Variants in CEACAM3 observed in about 807,000 individuals in gnomAD.
CEACAM3 encodes CEA cell adhesion molecule 3.
In CEACAM3, 32 loss-of-function variants were observed where a neutral mutation model predicts 30.1. The ratio of observed to expected loss-of-function variants is 1.06; its 90% CI spans 0.80 to 1.43. CEACAM3 has a LOEUF of 1.43. Among genes scored for constraint, CEACAM3 ranks in the 40% most tolerant of loss-of-function variants. CEACAM3 has a pLI of 0.00. For missense variants in CEACAM3, 290 were observed against 316.3 expected, an observed-to-expected ratio of 0.92 and a Z score of 0.63; for synonymous variants, 134 against 127.2, an observed-to-expected ratio of 1.05 and a Z score of -0.36.
chr19:41,805,965 C>A (rs1432235205), intron 2 of CEACAM3, among the ~76,000 whole-genome samples: 1 of 152,178 alleles, frequency 6.6e-6, no homozygotes, highest in Non-Finnish European at 1.5e-5. Flanking sequence ...TGTCCCCGCC[C>A]TCTTTCTAAG....
At chr19:41,809,886 C>T in intron 3 of CEACAM3, 79 bp from the exon 4 acceptor site, 3 of 1,431,500 alleles carry the variant, frequency 2.1e-6, no homozygotes, top group African/African-American at 1.4e-5. Context: ...AAATGGGTTT[C>T]CCTTCTTGTC....
In CEACAM3 at chr19:41,797,929, T is replaced by G. The variant is rs61736640; in HGVS notation, c.405T>G (p.Thr135=). Reference sequence around the variant, plus strand: ...CAGATCTTGTGAATGAAGAAGCAACTGGACAGTTCCATGTATACCGTGAGT... The same window carrying G: ...CAGATCTTGTGAATGAAGAAGCAACGGGACAGTTCCATGTATACCGTGAGT... The part of the protein sequence containing the change: ...IKSDLVNEEA[T]GQFHVYQENA... The change falls in exon 2 of 7, where the codon ACT becomes ACG. Residue 135 remains threonine, a synonymous_variant. Coordinates refer to ENST00000357396, the MANE Select transcript of CEACAM3 (RefSeq NM_001815.5). 1.2e-6 allele frequency: 2 copies of G among 1,608,102 alleles called. No individual in the cohort carries two copies. Among genetic ancestry groups the G allele is most frequent in the East Asian group, 2.2e-5 (1 of 44,878 alleles).
chr19:41,799,483 T>C (rs782188959), intron 2 of CEACAM3, among the ~76,000 whole-genome samples: 2 of 152,192 alleles, frequency 1.3e-5, no homozygotes, highest in Non-Finnish European at 2.9e-5. Context: ...CTTTTCTTTA[T>C]AAATTACCCA....
intron 3 of CEACAM3, 139 bp from the exon 4 acceptor site, chr19:41,809,826 C>T (rs534527593): frequency 5.1e-6 from 4 of 789,118 alleles, no homozygotes; most frequent in South Asian, 1.6e-5. Flanking sequence ...TGCTGGGCTC[C>T]CCCTAACACA....
At chr19:41,803,750 G>GTGGGAAATA (rs2073175603) in intron 2 of CEACAM3, among the ~76,000 whole-genome samples, 1 of 86,122 alleles carries the variant, frequency 1.2e-5, no homozygotes, top group Non-Finnish European at 3.3e-5. Flanking sequence ...ACAGGCATGA[G>GTGGGAAATA]CCACCATGCC....
chr19:41,810,707 A>C (rs1555827487), intron 5 of CEACAM3, 125 bp from the exon 6 acceptor site: 2 of 909,048 alleles, frequency 2.2e-6, no homozygotes, highest in Non-Finnish European at 3.6e-6. Context: ...GGCTGAGCTC[A>C]GGGGCAGAGC....
At chr19:41,808,298 G>T (rs1555827079) in intron 2 of CEACAM3, among the ~76,000 whole-genome samples, 1 of 152,176 alleles carries the variant, frequency 6.6e-6, no homozygotes, top group African/African-American at 2.4e-5. Flanking sequence ...TTACTGAGGT[G>T]CTTTAAGTCT....
At chr19:41,798,053 C>G in intron 2 of CEACAM3, 105 bp downstream of exon 2, 1 of 1,515,244 alleles carries the variant, frequency 6.6e-7, no homozygotes, top group Non-Finnish European at 8.8e-7. Flanking sequence ...GCATTACATT[C>G]TGTATCAGGG....
At chr19:41,797,182 A>T (rs2073108871) in intron 1 of CEACAM3, 1 of 238,016 alleles carries the variant, frequency 4.2e-6, no homozygotes, top group East Asian at 9.6e-5. Context: ...AAGAGCTTAC[A>T]CTCTTGCAGA....
intron 2 of CEACAM3, among the ~76,000 whole-genome samples, chr19:41,807,993 C>T (rs1321080314): frequency 6.6e-6 from 1 of 152,198 alleles, no homozygotes; most frequent in Admixed American, 6.5e-5. Flanking sequence ...AGCCACTGGC[C>T]TCAGTACAAT....
At chr19:41,810,222 A>C (rs527548932) in intron 4 of CEACAM3, 101 bp from the exon 5 acceptor site, 1 of 1,464,558 alleles carries the variant, frequency 6.8e-7, no homozygotes, top group South Asian at 1.2e-5. Flanking sequence ...CCCCAACCTC[A>C]GCTGCTCAGG....
At chr19:41,810,686 C>T (rs2073242651) in intron 5 of CEACAM3, 146 bp from the exon 6 acceptor site, 1 of 786,214 alleles carries the variant, frequency 1.3e-6, no homozygotes, top group Non-Finnish European at 2.2e-6. Flanking sequence ...GGTGCTGTGT[C>T]CACACTGGGA....
At chr19:41,810,077 G>T in intron 4 of CEACAM3, 60 bp downstream of exon 4, 1 of 1,512,310 alleles carries the variant, frequency 6.6e-7, no homozygotes, top group Non-Finnish European at 9.1e-7. Flanking sequence ...CACAGTGTCC[G>T]CTCCTGCCAG....
intron 2 of CEACAM3, among the ~76,000 whole-genome samples, chr19:41,800,336 C>T (rs1284379164): frequency 2.0e-5 from 3 of 152,132 alleles, no homozygotes; most frequent in Non-Finnish European, 4.4e-5. Context: ...GGAAGACGCC[C>T]GTTGCCAGGC....
At chr19:41,803,453 TG>T (rs1267963865) in intron 2 of CEACAM3, among the ~76,000 whole-genome samples, 55,997 of 129,884 alleles carry the variant, frequency 0.43, 15,243 homozygotes, top group Middle Eastern at 0.61. Context: ...TGTGTGTGTG[TG>T]TGTGTTGTTT....
At chr19:41,803,474 T>TTTTGTTG (rs1188451409) in intron 2 of CEACAM3, among the ~76,000 whole-genome samples, 2 of 147,612 alleles carry the variant, frequency 1.4e-5, no homozygotes, top group South Asian at 2.2e-4. Flanking sequence ...TTGTTTGTTT[T>TTTTGTTG]TTTTTTTTTT....
chr19:41,797,641 A>G lies in CEACAM3; in HGVS notation c.117A>G (p.Glu39=), dbSNP rs563618197. ...NPPTTAKLTI[E]SMPLSVAEGK... ...CCACCACTGCCAAGCTCACTATTGA[A>G]TCCATGCCGCTCAGTGTCGCAGAGG... The change falls in exon 2 of 7, where the codon GAA becomes GAG. Residue 39 remains glutamate, a synonymous_variant. Transcript: ENST00000357396. The G allele has an allele frequency of 1.2e-6, 2 of 1,614,130 alleles. No individual in the cohort carries two copies. The highest frequency in any genetic ancestry group is 1.7e-5 in the Admixed American group (1 of 60,012).
At chr19:41,805,762 G>T (rs1198855066) in intron 2 of CEACAM3, among the ~76,000 whole-genome samples, 1 of 152,138 alleles carries the variant, frequency 6.6e-6, no homozygotes, top group Non-Finnish European at 1.5e-5. Context: ...ATCAAACACA[G>T]AGTCCATGAG....
intron 3 of CEACAM3, 98 bp downstream of exon 3, chr19:41,809,028 G>A (rs1263724354): frequency 6.2e-5 from 51 of 824,030 alleles, no homozygotes; most frequent in Non-Finnish European, 8.0e-5. Flanking sequence ...GGCTCTCCAC[G>A]GCCTCCCAAG....
Sources: allele counts gnomAD v4.1 joint callset (sites outside exome capture counted in the v4.1 genomes callset), GRCh38; gene constraint gnomAD v4.1.1; transcripts MANE v1.5; gene names NCBI Gene and HGNC (gene_info 2026-07-23, HGNC 2026-07-21).